THSD7A: variants seen among roughly 807,000 people sequenced by gnomAD.
THSD7A encodes the protein thrombospondin type-1 domain-containing protein 7A.
A neutral mutation model predicts 231.3 loss-of-function variants in THSD7A; 96 were observed. That is an observed-to-expected ratio of 0.41 (90% confidence interval 0.35 to 0.49). The LOEUF is 0.49. THSD7A is among the 20% of genes least tolerant of loss of function. The probability of loss-of-function intolerance (pLI) is 0.05; values close to 1 mark genes in which losing one functional copy is unlikely to be tolerated. For missense variants in THSD7A, 2,290 were observed against 2,070.2 expected (o/e 1.11, Z -2.06); for synonymous variants, 940 against 743.3 (o/e 1.26, Z -4.30).
At chr7:11,511,913 CA>C (rs1217976991) in intron 6 of THSD7A, among the ~76,000 whole-genome samples, 1 of 152,126 alleles carries the variant, frequency 6.6e-6, no homozygotes, top group Non-Finnish European at 1.5e-5. Flanking sequence ...GCAATGGCAA[CA>C]AAAGCCAAAA....
At chr7:11,544,542 A>T (rs923468328) in intron 4 of THSD7A, among the ~76,000 whole-genome samples, 1 of 152,150 alleles carries the variant, frequency 6.6e-6, no homozygotes, top group Admixed American at 6.6e-5. Flanking sequence ...GCTCACAGAG[A>T]AATTAAAAAA....
intron 1 of THSD7A, among the ~76,000 whole-genome samples, chr7:11,788,296 G>A (rs540717760): frequency 4.6e-5 from 7 of 152,068 alleles, no homozygotes; most frequent in South Asian, 2.1e-4. Context: ...AAATTTGATA[G>A]TTACTCTCCC....
At chr7:11,773,621 A>T (rs1299816432) in intron 1 of THSD7A, among the ~76,000 whole-genome samples, 1 of 152,196 alleles carries the variant, frequency 6.6e-6, no homozygotes, top group Non-Finnish European at 1.5e-5. Context: ...AACATCAAAC[A>T]TATTTGAATA....
At chr7:11,575,168 CATT>C (rs1465709544) in intron 4 of THSD7A, among the ~76,000 whole-genome samples, 7 of 152,162 alleles carry the variant, frequency 4.6e-5, no homozygotes, top group Non-Finnish European at 7.3e-5. Context: ...TCCTCTGCAT[CATT>C]ATTATTACTA....
At chr7:11,548,374 T>C (rs983263396) in intron 4 of THSD7A, among the ~76,000 whole-genome samples, 3 of 151,962 alleles carry the variant, frequency 2.0e-5, no homozygotes, top group Admixed American at 1.3e-4. Context: ...AAAAAACCCT[T>C]ACCAACCACA....
intron 1 of THSD7A, among the ~76,000 whole-genome samples, chr7:11,816,342 T>C (rs1389538188): frequency 6.6e-6 from 1 of 152,188 alleles, no homozygotes; most frequent in Non-Finnish European, 1.5e-5. Flanking sequence ...GCAATGTATG[T>C]TTTTATACAG....
intron 1 of THSD7A, among the ~76,000 whole-genome samples, chr7:11,672,439 G>A (rs1198371705): frequency 6.6e-6 from 1 of 151,642 alleles, no homozygotes; most frequent in Non-Finnish European, 1.5e-5. Flanking sequence ...TATCTCAGTG[G>A]ATTATGTTCT....
intron 2 of THSD7A, among the ~76,000 whole-genome samples, chr7:11,620,164 T>A (rs1463277484): frequency 6.6e-6 from 1 of 152,220 alleles, no homozygotes; most frequent in African/African-American, 2.4e-5. Context: ...AAATTGTAAT[T>A]TCCTTGAATG....
rs149905716 is a variant in THSD7A at position 11,619,378 on chromosome 7, A to G, written c.1022+16752T>C. 3.6e-3 allele frequency among the ~76,000 whole-genome samples: 552 copies of G among 151,274 alleles called. 3 individuals are homozygous for G. Among genetic ancestry groups the G allele is most frequent in the African/African-American group, 0.013 (523 of 41,228 alleles). The stretch of plus-strand genomic sequence containing the variant: ...TACATTAAAATAGCCACATGAATAA[A>G]CAGTAATTTCTTTTCTTACTGTACT... On this transcript the variant is annotated intron_variant, in intron 2 of 27. Coordinates refer to ENST00000423059, the MANE Select transcript of THSD7A (RefSeq NM_015204.3).
chr7:11,574,938 T>G (rs2128335909), intron 4 of THSD7A, among the ~76,000 whole-genome samples: 1 of 152,266 alleles, frequency 6.6e-6, no homozygotes. Context: ...TATAGCACAG[T>G]GGTTAAGATC....
chr7:11,685,605 C>T (rs1005636737), intron 1 of THSD7A, among the ~76,000 whole-genome samples: 2 of 151,802 alleles, frequency 1.3e-5, no homozygotes, highest in Non-Finnish European at 2.9e-5. Flanking sequence ...AAGCAGCCAA[C>T]AAACATATGA....
chr7:11,821,730 C>T (rs73300438), intron 1 of THSD7A, among the ~76,000 whole-genome samples: 1 of 152,124 alleles, frequency 6.6e-6, no homozygotes, highest in Non-Finnish European at 1.5e-5. Flanking sequence ...TACAAAATTA[C>T]CCTACTGCAT....
chr7:11,576,342 G>T (rs1307351924), intron 4 of THSD7A, among the ~76,000 whole-genome samples: 1 of 152,140 alleles, frequency 6.6e-6, no homozygotes, highest in Non-Finnish European at 1.5e-5. Context: ...AATGCTTGAT[G>T]AATTCCAGTC....
chr7:11,687,434 ACACT>A (rs1206788057), intron 1 of THSD7A, among the ~76,000 whole-genome samples: 1 of 151,900 alleles, frequency 6.6e-6, no homozygotes, highest in Admixed American at 6.6e-5. Flanking sequence ...ACACACACAC[ACACT>A]CACACGTGGC....
At chr7:11,802,259 A>G (rs1244649857) in intron 1 of THSD7A, among the ~76,000 whole-genome samples, 1 of 152,184 alleles carries the variant, frequency 6.6e-6, no homozygotes, top group Non-Finnish European at 1.5e-5. Context: ...TATCATTGTG[A>G]ATTTCATATA....
intron 2 of THSD7A, among the ~76,000 whole-genome samples, chr7:11,611,830 ACT>A (rs1554349758): frequency 7.1e-6 from 1 of 141,150 alleles, no homozygotes; most frequent in Non-Finnish European, 1.5e-5. Flanking sequence ...ACACACACAC[ACT>A]ATCATCTGTC....
chr7:11,820,083 G>A lies in THSD7A; in HGVS notation c.190+11674C>T, dbSNP rs548690972. ...ATGAGAAAAACAGCTAAAGCCCAAT[G>A]CGTTGTGTTCCGCTCAAGAGCTGGG... On this transcript the variant is annotated intron_variant, in intron 1 of 27. Transcript: ENST00000423059. Among the ~76,000 whole-genome samples the A allele has an allele frequency of 1.4e-5, 2 of 146,328 alleles. 1 individual carries two copies. Among genetic ancestry groups the A allele is most frequent in the South Asian group, 4.1e-4 (2 of 4,822 alleles).
intron 1 of THSD7A, among the ~76,000 whole-genome samples, chr7:11,768,286 G>C (rs764820481): frequency 6.6e-6 from 1 of 152,068 alleles, no homozygotes; most frequent in Admixed American, 6.6e-5. Context: ...ATTGGCAAAC[G>C]GAATCATATG....
chr7:11,490,806 C>T (rs769993460), intron 6 of THSD7A, among the ~76,000 whole-genome samples: 1 of 151,942 alleles, frequency 6.6e-6, no homozygotes, highest in Non-Finnish European at 1.5e-5. Flanking sequence ...ACTAATGTGC[C>T]CTTGAGCAGA....
Sources: gnomAD v4.1 joint callset for allele counts (sites outside exome capture counted in the v4.1 genomes callset) on GRCh38, gnomAD v4.1.1 for gene constraint, MANE v1.5 for transcripts, NCBI Gene and HGNC (gene_info 2026-07-23, HGNC 2026-07-21) for gene names.